Variants in ADD3 observed in about 807,000 individuals in gnomAD.
The protein encoded by ADD3 is adducin 3.
ADD3 carries 25 observed loss-of-function variants against 80.2 expected under a neutral mutation model. The ratio of observed to expected loss-of-function variants is 0.31; its 90% CI spans 0.23 to 0.44. ADD3 has a LOEUF of 0.44. ADD3 is among the 20% of genes least tolerant of loss of function. ADD3 has a pLI of 1.00. For synonymous variants in ADD3, 284 were observed against 289.6 expected (o/e 0.98, Z 0.20); for missense variants, 829 against 847.5 (o/e 0.98, Z 0.27).
At chr10:110,092,765 A>G (rs1012937186) in intron 1 of ADD3, among the ~76,000 whole-genome samples, 10 of 151,992 alleles carry the variant, frequency 6.6e-5, no homozygotes, top group Admixed American at 1.3e-4. Flanking sequence ...TTAAATAAAT[A>G]TAATTTTATT....
At chr10:110,071,438 T>C (rs150974455) in intron 1 of ADD3, among the ~76,000 whole-genome samples, 1 of 152,310 alleles carries the variant, frequency 6.6e-6, no homozygotes, top group Non-Finnish European at 1.5e-5. Flanking sequence ...ACCTCAAAGA[T>C]TTAGAAAGTA....
At chr10:110,123,352 C>G (rs757216827) in intron 9 of ADD3, among the ~76,000 whole-genome samples, 5 of 152,188 alleles carry the variant, frequency 3.3e-5, no homozygotes, top group Non-Finnish European at 7.4e-5. Flanking sequence ...CAAAGGGTCC[C>G]TTTCTCCCTA....
intron 1 of ADD3, among the ~76,000 whole-genome samples, chr10:110,082,995 G>T (rs939979349): frequency 6.6e-6 from 1 of 152,086 alleles, no homozygotes; most frequent in African/African-American, 2.4e-5. Context: ...AGAGAATGGG[G>T]GTATTATGAG....
intron 1 of ADD3, among the ~76,000 whole-genome samples, chr10:110,057,618 C>T (rs947404142): frequency 1.3e-5 from 2 of 152,024 alleles, no homozygotes; most frequent in Non-Finnish European, 2.9e-5. Context: ...TAAAGCTCTT[C>T]ATCTGATTCT....
At chr10:110,098,673 A>G (rs537345358) in intron 1 of ADD3, among the ~76,000 whole-genome samples, 4 of 151,754 alleles carry the variant, frequency 2.6e-5, no homozygotes, top group South Asian at 2.1e-4. Flanking sequence ...TCTGTTGCCC[A>G]GGCTGCAGTG....
At chr10:110,040,051 C>G (rs1434170044) in intron 1 of ADD3, among the ~76,000 whole-genome samples, 1 of 152,222 alleles carries the variant, frequency 6.6e-6, no homozygotes, top group East Asian at 1.9e-4. Flanking sequence ...CTCAGACCAA[C>G]TGTGATACAG....
intron 3 of ADD3, among the ~76,000 whole-genome samples, chr10:110,113,158 G>T (rs1850263768): frequency 6.6e-6 from 1 of 152,164 alleles, no homozygotes; most frequent in South Asian, 2.1e-4. Context: ...TGTGTCAGTA[G>T]TCCCAGCCAC....
At chr10:110,053,646 A>G (rs961363684) in intron 1 of ADD3, among the ~76,000 whole-genome samples, 6 of 152,140 alleles carry the variant, frequency 3.9e-5, no homozygotes, top group African/African-American at 1.4e-4. Context: ...ACTAACCATC[A>G]GTAGTCTTAA....
chr10:110,116,705 G>A (rs1362642552), intron 4 of ADD3, among the ~76,000 whole-genome samples: 4 of 152,214 alleles, frequency 2.6e-5, no homozygotes, highest in Non-Finnish European at 5.9e-5. Context: ...TGATAATTAT[G>A]TCTGAGCATC....
At chr10:110,008,863 C>G (rs1184502330) in intron 1 of ADD3, among the ~76,000 whole-genome samples, 1 of 152,154 alleles carries the variant, frequency 6.6e-6, no homozygotes, top group Non-Finnish European at 1.5e-5. Flanking sequence ...CAGACACACA[C>G]AAACACACCG....
intron 1 of ADD3, among the ~76,000 whole-genome samples, chr10:110,010,369 A>G (rs1209362580): frequency 6.6e-6 from 1 of 152,188 alleles, no homozygotes; most frequent in African/African-American, 2.4e-5. Context: ...ATCAGAGTAT[A>G]AGAAGTGTTT....
chr10:110,003,131 A>G (rs951062283), upstream of ADD3, among the ~76,000 whole-genome samples: 1 of 152,018 alleles, frequency 6.6e-6, no homozygotes, highest in South Asian at 2.1e-4. Context: ...GTTGTGCTTC[A>G]TTAAGTTTAC....
chr10:110,116,474 CT>C, intron 4 of ADD3, 64 bp downstream of exon 4: 2 of 1,532,130 alleles, frequency 1.3e-6, no homozygotes, highest in East Asian at 4.5e-5. Flanking sequence ...CTATACTCTT[CT>C]TACCTTTACC....
Position 110,008,277 on chromosome 10 carries a change from C to T in ADD3, c.-52C>T, listed in dbSNP as rs1383618129. 3 of 152,280 alleles carry T rather than the reference C, an allele frequency of 2.0e-5. No homozygotes were observed. The highest frequency in any genetic ancestry group is 4.4e-5 in the Non-Finnish European group (3 of 68,096). The allele number at this position is 152,280 out of a possible 1,614,324, so 9.4% of individuals were successfully genotyped here. A position where few individuals can be genotyped will look rare whatever the true frequency, so the allele number is the denominator to read the frequency against. ...TGCCGAGAAGGAGGGAGGGGAAACA[C>T]AAAGCCGGCTACGCGCTGCGAGGTA... On this transcript the variant is annotated 5_prime_UTR_variant, in exon 1 of 15. Coordinates refer to ENST00000356080, the MANE Select transcript of ADD3 (RefSeq NM_016824.5).
At position 110,112,779 on chromosome 10, in the gene ADD3, C is replaced by T. The variant is rs756834111; in HGVS notation, c.198C>T (p.Ala66=). The T allele has an allele frequency of 2.5e-6, 4 of 1,612,486 alleles. No individual in the cohort carries two copies. Among genetic ancestry groups the T allele is most frequent in the Non-Finnish European group, 3.4e-6 (4 of 1,179,408 alleles). ...KRVTQILQSP[A]FREDLECLIQ... ...GTCTTTATTTTTGTGTATTACAGGC[C>T]TTTCGGGAAGACTTGGAATGCCTTA... The change falls in exon 3 of 15, where the codon GCC becomes GCT. Residue 66 remains alanine (A), a splice_region_variant and synonymous_variant. Coordinates refer to ENST00000356080, the MANE Select transcript of ADD3 (RefSeq NM_016824.5).
At chr10:110,035,761 G>T (rs907012967) in intron 1 of ADD3, among the ~76,000 whole-genome samples, 4 of 152,164 alleles carry the variant, frequency 2.6e-5, no homozygotes, top group Admixed American at 6.5e-5. Context: ...ACGTTACCAG[G>T]TGTTACTATT....
intron 1 of ADD3, among the ~76,000 whole-genome samples, chr10:110,042,138 A>G (rs1199194355): frequency 6.6e-6 from 1 of 152,192 alleles, no homozygotes; most frequent in Non-Finnish European, 1.5e-5. Context: ...GTAGGTAAGT[A>G]TTTCTATAGT....
At chr10:110,082,241 A>G (rs2133780669) in intron 1 of ADD3, among the ~76,000 whole-genome samples, 1 of 120,364 alleles carries the variant, frequency 8.3e-6, no homozygotes, top group Middle Eastern at 3.8e-3. Context: ...TCACTCTAAA[A>G]AAAAACTTTG....
chr10:110,010,299 G>GTTAA (rs1353438224), intron 1 of ADD3, among the ~76,000 whole-genome samples: 3 of 152,180 alleles, frequency 2.0e-5, no homozygotes, highest in African/African-American at 7.2e-5. Context: ...TGGTTAGCTG[G>GTTAA]TTAATCTCTC....
Sources: gnomAD v4.1 joint callset for allele counts (sites outside exome capture counted in the v4.1 genomes callset) on GRCh38, gnomAD v4.1.1 for gene constraint, MANE v1.5 for transcripts, NCBI Gene and HGNC (gene_info 2026-07-23, HGNC 2026-07-21) for gene names.